The following EIF5 variants were observed in gnomAD, a reference collection of about 807,000 sequenced individuals.
EIF5 encodes eukaryotic translation initiation factor 5.
EIF5 carries 10 observed loss-of-function variants against 48.3 expected under a neutral mutation model. That is an observed-to-expected ratio of 0.21 (90% confidence interval 0.13 to 0.35). The LOEUF (loss-of-function observed/expected upper bound fraction) is 0.35, where lower values mean the gene tolerates loss of function less well. Ranked by LOEUF, EIF5 falls within the 10% of genes least tolerant of loss-of-function variation. The pLI is 1.00. For missense variants in EIF5, 397 were observed against 533.2 expected, an observed-to-expected ratio of 0.74 and a Z score of 2.51; for synonymous variants, 237 against 173.1, an observed-to-expected ratio of 1.37 and a Z score of -2.90.
intron 6 of EIF5, chr14:103,337,790 G>GT: frequency 4.3e-6 from 2 of 463,060 alleles, no homozygotes; most frequent in South Asian, 3.2e-5. Flanking sequence ...ACCCAGCAAA[G>GT]TTTCTTTTAC....
Position 103,336,098 on chromosome 14 carries a change from G to C in EIF5, c.135G>C (p.Ala45=). The C allele has an allele frequency of 6.2e-7, 1 of 1,614,152 alleles. No individual in the cohort carries two copies. Among genetic ancestry groups the C allele is most frequent in the Non-Finnish European group, 8.5e-7 (1 of 1,180,024 alleles). The change falls in exon 4 of 12, where the codon GCG becomes GCC. Residue 45 remains alanine, a synonymous_variant. Coordinates refer to ENST00000216554, the MANE Select transcript of EIF5 (RefSeq NM_001969.5). ...VIVNMVDVAK[A]LNRPPTYPTK... Reference sequence around the variant, plus strand: ...TCAACATGGTTGACGTTGCAAAGGCGCTTAATCGGCCTCCAACGTGTAAGT... The same window carrying C: ...TCAACATGGTTGACGTTGCAAAGGCCCTTAATCGGCCTCCAACGTGTAAGT...
chr14:103,339,890 A>G lies in EIF5; in HGVS notation c.1071+87A>G, dbSNP rs913090124. 3.5e-6 allele frequency: 5 copies of G among 1,433,726 alleles called. No homozygotes were observed. In the African/African-American group the frequency reaches 5.7e-5, roughly 16 times the overall value. 88.8% of individuals were successfully genotyped at this position (1,433,726 alleles called of 1,614,324 possible). A position where few individuals can be genotyped will look rare whatever the true frequency, so the allele number is the denominator to read the frequency against. ...TGATTGTTTTTGGAGACGGAGTCTC[A>G]TTCTGTTGTCCAGGCAGGAGTACAG... On this transcript the variant is annotated intron_variant, in intron 10 of 11. Coordinates refer to ENST00000216554, the MANE Select transcript of EIF5 (RefSeq NM_001969.5).
intron 4 of EIF5, 59 bp downstream of exon 4, chr14:103,336,176 T>C: frequency 6.6e-7 from 1 of 1,522,236 alleles, no homozygotes. Flanking sequence ...TCAAAGTCTT[T>C]GAGCTGCAAA....
At chr14:103,336,420 C>T (rs985999490) in intron 4 of EIF5, 1 of 552,296 alleles carries the variant, frequency 1.8e-6, no homozygotes, top group East Asian at 3.1e-5. Context: ...GAGTCTACTA[C>T]TAATACAAAA....
At position 103,336,130 on chromosome 14, in the gene EIF5, T is replaced by C. The variant is rs539607242; in HGVS notation, c.154+13T>C. On this transcript the variant is annotated intron_variant, in intron 4 of 11. Coordinates refer to ENST00000216554, the MANE Select transcript of EIF5 (RefSeq NM_001969.5). ...CGGCCTCCAACGTGTAAGTAAAGCT[T>C]GGAAAAGTCCACAGGGCATATTATG... 6.8e-6 allele frequency: 11 copies of C among 1,613,462 alleles called. No homozygotes were observed. In the African/African-American group the frequency reaches 1.3e-4, roughly 20 times the overall value.
At position 103,343,351 on chromosome 14, in the gene EIF5, G is replaced by C. The variant is rs945261420; in HGVS notation, c.*2299G>C. On this transcript the variant is annotated 3_prime_UTR_variant, in exon 12 of 12. Transcript: ENST00000216554. ...TTTCATTGGGTCACTGGCTTTATTT[G>C]CTAGTCTTGTCTGTGAACTGAGCAT... 4.6e-5 allele frequency: 7 copies of C among 152,158 alleles called. No individual in the cohort carries two copies. The highest frequency in any genetic ancestry group is 1.7e-4 in the African/African-American group (7 of 41,434). The allele number at this position is 152,158 out of a possible 1,614,324, so 9.4% of individuals were successfully genotyped here.
At chr14:103,340,367 A>G (rs2089338790) in intron 10 of EIF5, 60 bp from the exon 11 acceptor site, 2 of 1,567,736 alleles carry the variant, frequency 1.3e-6, no homozygotes, top group Admixed American at 1.7e-5. Context: ...GGGGGATTGT[A>G]TAAATAATCA....
rs898576603 is a variant in EIF5, at chr14:103,338,259, C to T, written c.440-68C>T. On this transcript the variant is annotated intron_variant, in intron 6 of 11. Coordinates refer to ENST00000216554, the MANE Select transcript of EIF5 (RefSeq NM_001969.5). ...AGGAAAATAAGGGCAGGGTTTTAAA[C>T]GTTAATGATGGGCAATGAGGTAATG... 3.3e-5 allele frequency: 52 copies of T among 1,571,106 alleles called. 1 individual carries two copies. Among genetic ancestry groups the T allele is most frequent in the South Asian group, 2.7e-4 (23 of 83,900 alleles).
chr14:103,336,896 C>T, intron 5 of EIF5, 47 bp downstream of exon 5: 1 of 1,566,164 alleles, frequency 6.4e-7, no homozygotes, highest in South Asian at 1.2e-5. Flanking sequence ...ATACCTGCTT[C>T]TGTGATACCG....
At chr14:103,340,138 C>T (rs947796282) in intron 10 of EIF5, among the ~76,000 whole-genome samples, 1 of 152,106 alleles carries the variant, frequency 6.6e-6, no homozygotes, top group Non-Finnish European at 1.5e-5. Flanking sequence ...GGTGTGAGCT[C>T]CTGCGCCCAG....
rs1321551246 is a variant in EIF5 at position 103,344,880 on chromosome 14, CTG to C, written c.*3830_*3831del. On this transcript the variant is annotated 3_prime_UTR_variant, in exon 12 of 12. Coordinates refer to ENST00000216554, the MANE Select transcript of EIF5 (RefSeq NM_001969.5). ...TTGGATTTTTAGGTCTAGCAATACA[CTG>C]TTTACAAGAGCATCACCTAAAATGT... 9 of 152,002 alleles carry C rather than the reference CTG, an allele frequency of 5.9e-5. No individual in the cohort carries two copies. The highest frequency in any genetic ancestry group is 1.3e-4 in the Non-Finnish European group (9 of 67,996). The allele number at this position is 152,002 out of a possible 1,614,324, so 9.4% of individuals were successfully genotyped here.
Position 103,339,780 on chromosome 14 carries a change from G to C in EIF5, c.1048G>C (p.Val350Leu). 2 of 1,614,180 alleles carry C rather than the reference G, an allele frequency of 1.2e-6. No homozygotes were observed. Among genetic ancestry groups the C allele is most frequent in the Non-Finnish European group, 1.7e-6 (2 of 1,180,016 alleles). ...CGATGCAGACCTTTTAGAAGAAGAG[G>C]TCATCATCAGCTGGTCGGAAAAGGT... ...MYDADLLEEEVIISWSEKASK... is the reference protein window; with the variant it reads ...MYDADLLEEELIISWSEKASK... The change falls in exon 10 of 12, where the codon GTC becomes CTC. Residue 350 changes from valine to leucine, a missense_variant. Around this residue, in one of 4 missense-constraint regions of EIF5, gnomAD observed 160 missense variants for 184.8 expected, o/e 0.87. Transcript: ENST00000216554.
intron 6 of EIF5, 148 bp downstream of exon 6, chr14:103,337,375 C>T (rs907795977): frequency 2.8e-5 from 18 of 646,072 alleles, no homozygotes; most frequent in South Asian, 6.4e-5. Flanking sequence ...GAGGCCAGGG[C>T]GGGCACATCA....
Position 103,336,732 on chromosome 14 carries a change from G to A in EIF5, c.210G>A (p.Lys70=), listed in dbSNP as rs376119475. The A allele has an allele frequency of 1.7e-5, 28 of 1,613,938 alleles. No individual in the cohort carries two copies. In the African/African-American group the frequency reaches 3.2e-4, roughly 18 times the overall value. The change falls in exon 5 of 12, where the codon AAG becomes AAA. Residue 70 remains lysine, a synonymous_variant. Transcript: ENST00000216554. ...GAGCACAGACCCAGTTTGATGTTAA[G>A]AATGACCGTTACATTGTCAATGGAT... ...ELGAQTQFDV[K]NDRYIVNGSH... is the part of the protein sequence containing the mutation.
chr14:103,337,593 G>A (rs1056873665), intron 6 of EIF5: 6 of 329,114 alleles, frequency 1.8e-5, no homozygotes, highest in Admixed American at 4.7e-5. Context: ...CAGCGACTCT[G>A]TCTCAAAAAA....
At chr14:103,337,760 TGAC>T in intron 6 of EIF5, 2 of 438,990 alleles carry the variant, frequency 4.6e-6, no homozygotes, top group East Asian at 1.1e-4. Flanking sequence ...GATGAAGTAA[TGAC>T]TAAAATTCTG....
intron 2 of EIF5, chr14:103,335,053 C>T (rs2089267731): frequency 6.6e-6 from 1 of 152,250 alleles, no homozygotes; most frequent in African/African-American, 2.4e-5. Flanking sequence ...CCATGGGGAC[C>T]AGGGCGAAGG....
chr14:103,343,843 A>G lies in EIF5; in HGVS notation c.*2791A>G, dbSNP rs1481783683. On this transcript the variant is annotated 3_prime_UTR_variant, in exon 12 of 12. Transcript: ENST00000216554. The stretch of plus-strand genomic sequence containing the variant: ...ATAACCCTTCATGTATTTTAAATTT[A>G]TTTGACAAGTCTGCAGACAATCCTT... 6.6e-6 allele frequency: 1 copy of G among 152,224 alleles called. No individual in the cohort carries two copies. Among genetic ancestry groups the G allele is most frequent in the Non-Finnish European group, 1.5e-5 (1 of 68,042 alleles). 9.4% of individuals were successfully genotyped at this position (152,224 alleles called of 1,614,324 possible).
rs2089392125 is a variant in EIF5, at chr14:103,344,652, T to G, written c.*3600T>G. ...GCCTGGCTGGGGCAGTAGGGGAAAT[T>G]CCACCCAATTTTGCTATGAGCCTAA... On this transcript the variant is annotated 3_prime_UTR_variant, in exon 12 of 12. Coordinates refer to ENST00000216554, the MANE Select transcript of EIF5 (RefSeq NM_001969.5). 6.6e-6 allele frequency: 1 copy of G among 152,136 alleles called. No homozygotes were observed. The highest frequency in any genetic ancestry group is 2.4e-5 in the African/African-American group (1 of 41,398). 9.4% of individuals were successfully genotyped at this position (152,136 alleles called of 1,614,324 possible). A position where few individuals can be genotyped will look rare whatever the true frequency, so the allele number is the denominator to read the frequency against.
Sources: gnomAD v4.1 joint callset for allele counts (sites outside exome capture counted in the v4.1 genomes callset) on GRCh38, gnomAD v4.1.1 for gene constraint, gnomAD v4.1.1 regional missense constraint, MANE v1.5 for transcripts, NCBI Gene and HGNC (gene_info 2026-07-23, HGNC 2026-07-21) for gene names.